Variants in SOX5 observed in about 807,000 individuals in gnomAD.
SOX5 encodes the protein SRY-box transcription factor 5.
SOX5 carries 9 observed loss-of-function variants against 92.0 expected under a neutral mutation model. The observed-to-expected ratio is 0.10, with a 90% CI of 0.06 to 0.17. The LOEUF (loss-of-function observed/expected upper bound fraction) is 0.17, where lower values mean the gene tolerates loss of function less well. SOX5 is among the 10% of genes least tolerant of loss of function. SOX5 has a pLI of 1.00. For synonymous variants in SOX5, 344 were observed against 336.3 expected (o/e 1.02, Z -0.25); for missense variants, 642 against 944.5 (o/e 0.68, Z 4.20).
intron 1 of SOX5, among the ~76,000 whole-genome samples, chr12:23,924,437 A>C (rs139514979): frequency 6.6e-6 from 1 of 152,246 alleles, no homozygotes; most frequent in African/African-American, 2.4e-5. Context: ...GCCTTATATA[A>C]TTTGACAAAT....
chr12:24,118,100 G>A (rs1438023549), intron 4 of SOX5, among the ~76,000 whole-genome samples: 4 of 151,860 alleles, frequency 2.6e-5, no homozygotes, highest in South Asian at 2.1e-4. Flanking sequence ...AGGCTGGGGG[G>A]TGGGAAGGGA....
chr12:24,026,269 G>A (rs1336205113), intron 4 of SOX5, among the ~76,000 whole-genome samples: 1 of 142,400 alleles, frequency 7.0e-6, no homozygotes, highest in Non-Finnish European at 1.5e-5. Flanking sequence ...TCTTAACATG[G>A]ATATTTCTCC....
intron 3 of SOX5, among the ~76,000 whole-genome samples, chr12:23,781,997 G>T (rs974386070): frequency 2.0e-5 from 3 of 151,956 alleles, no homozygotes; most frequent in Non-Finnish European, 4.4e-5. Flanking sequence ...GGTAAGACTG[G>T]ATATACACTT....
chr12:24,345,484 G>A (rs1175281627), intron 2 of SOX5, among the ~76,000 whole-genome samples: 1 of 152,122 alleles, frequency 6.6e-6, no homozygotes, highest in Non-Finnish European at 1.5e-5. Context: ...ATTGTTTCAT[G>A]TTTCAGATGG....
rs183523302 is a variant in SOX5, at chr12:24,398,964, T to C, written c.-250-30325A>G. On this transcript the variant is annotated intron_variant, in intron 1 of 4. Coordinates refer to the SOX5 transcript ENST00000446891. Reference sequence around the variant, plus strand: ...GCCAAGGTGGACAATTATCAACAGCTTCACTATACATGGAAGTGTTTACAA... The same window carrying C: ...GCCAAGGTGGACAATTATCAACAGCCTCACTATACATGGAAGTGTTTACAA... 1.6e-4 allele frequency among the ~76,000 whole-genome samples: 24 copies of C among 152,244 alleles called. No homozygotes were observed. The East Asian group carries it at 4.4e-3, about 28-fold the overall frequency.
At position 24,264,028 on chromosome 12, in the gene SOX5, A is replaced by C. The variant is rs193166203; in HGVS notation, c.-77+13188T>G. On this transcript the variant is annotated intron_variant, in intron 3 of 4. Coordinates refer to the SOX5 transcript ENST00000446891. Reference sequence around the variant, plus strand: ...GGATTATTTCTGCCTCATAGTCTTCAGGCTTGATTTTTAATGTAATTTAAA... The same window carrying C: ...GGATTATTTCTGCCTCATAGTCTTCCGGCTTGATTTTTAATGTAATTTAAA... 7.2e-5 allele frequency among the ~76,000 whole-genome samples: 11 copies of C among 152,306 alleles called. No individual in the cohort carries two copies. In the East Asian group the frequency reaches 1.4e-3, roughly 19 times the overall value.
At chr12:23,955,524 A>C (rs968471072), upstream of SOX5, among the ~76,000 whole-genome samples, 2 of 152,188 alleles carry the variant, frequency 1.3e-5, no homozygotes, top group African/African-American at 4.8e-5. Context: ...TTTGCAACGG[A>C]ATTTCTGTCT....
intron 9 of SOX5, among the ~76,000 whole-genome samples, chr12:23,577,150 T>TACACAC (rs1197912028): frequency 2.9e-4 from 34 of 117,580 alleles, no homozygotes; most frequent in African/African-American, 9.5e-4. Flanking sequence ...TATATATATA[T>TACACAC]ACACACACAC....
At chr12:23,537,463 T>G (rs975957831) in intron 13 of SOX5, among the ~76,000 whole-genome samples, 1 of 152,190 alleles carries the variant, frequency 6.6e-6, no homozygotes, top group Non-Finnish European at 1.5e-5. Flanking sequence ...GTATGCCCTT[T>G]CCTACATATG....
chr12:24,142,938 G>T (rs1950729054), intron 4 of SOX5, among the ~76,000 whole-genome samples: 1 of 151,632 alleles, frequency 6.6e-6, no homozygotes, highest in Admixed American at 6.6e-5. Flanking sequence ...GTCAGCACGT[G>T]TGCAAGGAAA....
chr12:23,685,310 A>G (rs2087330501), intron 6 of SOX5, among the ~76,000 whole-genome samples: 1 of 152,140 alleles, frequency 6.6e-6, no homozygotes, highest in Admixed American at 6.6e-5. Context: ...TCACGGTTAG[A>G]GAAATCCTAA....
chr12:23,784,267 T>C lies in SOX5; in HGVS notation c.482-28543A>G, dbSNP rs1335726438. Among the ~76,000 whole-genome samples the C allele has an allele frequency of 2.0e-5, 3 of 152,136 alleles. No homozygotes were observed. In the East Asian group the frequency reaches 5.8e-4, roughly 29 times the overall value. ...AAATGAGGAACTGGATAATAAAATC[T>C]TGAAAATGCCATCTAGACCTATGGA... On this transcript the variant is annotated intron_variant, in intron 3 of 14. Coordinates refer to ENST00000451604, the MANE Select transcript of SOX5 (RefSeq NM_006940.6).
At chr12:24,407,914 T>A (rs1255270937) in intron 1 of SOX5, among the ~76,000 whole-genome samples, 1 of 152,196 alleles carries the variant, frequency 6.6e-6, no homozygotes, top group Non-Finnish European at 1.5e-5. Context: ...AAGCGTCCAA[T>A]CTGTTTCTGA....
intron 8 of SOX5, among the ~76,000 whole-genome samples, chr12:23,615,771 G>A (rs1374985745): frequency 6.6e-6 from 1 of 152,036 alleles, no homozygotes; most frequent in Non-Finnish European, 1.5e-5. Flanking sequence ...CCCAATAATG[G>A]GATTGTATTT....
chr12:23,859,979 G>A (rs1046747814), intron 2 of SOX5, among the ~76,000 whole-genome samples: 1 of 152,080 alleles, frequency 6.6e-6, no homozygotes, highest in Non-Finnish European at 1.5e-5. Context: ...CAAAGAATGA[G>A]GTCATGTCTT....
intron 4 of SOX5, among the ~76,000 whole-genome samples, chr12:24,027,219 C>T (rs1954981681): frequency 6.6e-6 from 1 of 151,940 alleles, no homozygotes; most frequent in African/African-American, 2.4e-5. Context: ...CCTCATGACT[C>T]ACCCTAGGCC....
chr12:23,644,892 TCTTAA>T (rs2080625431), intron 7 of SOX5, among the ~76,000 whole-genome samples: 2 of 152,222 alleles, frequency 1.3e-5, no homozygotes, highest in African/African-American at 2.4e-5. Context: ...TCATTTGTAT[TCTTAA>T]CTTAGGATAC....
In SOX5 at chr12:23,531,412, A is replaced by C. The variant is rs1475355660; in HGVS notation, c.*2807T>G. On this transcript the variant is annotated 3_prime_UTR_variant, in exon 15 of 15. Transcript: ENST00000451604. ...TCAATTCATCGGTAAGTGTGTTAGA[A>C]TTGATTTCAGCCATGAATGCCTTCA... The C allele has an allele frequency of 2.0e-5, 3 of 152,376 alleles. No homozygotes were observed. Among genetic ancestry groups the C allele is most frequent in the African/African-American group, 7.2e-5 (3 of 41,594 alleles). 9.4% of individuals were successfully genotyped at this position (152,376 alleles called of 1,614,324 possible). A position where few individuals can be genotyped will look rare whatever the true frequency, so the allele number is the denominator to read the frequency against.
intron 1 of SOX5, among the ~76,000 whole-genome samples, chr12:24,436,838 G>A (rs1939524061): frequency 6.6e-6 from 1 of 152,178 alleles, no homozygotes; most frequent in Non-Finnish European, 1.5e-5. Context: ...TGCACCTGGT[G>A]ACTCTAAGTG....
Sources: gnomAD v4.1 joint callset for allele counts (sites outside exome capture counted in the v4.1 genomes callset) on GRCh38, gnomAD v4.1.1 for gene constraint, MANE v1.5 for transcripts, NCBI Gene and HGNC (gene_info 2026-07-23, HGNC 2026-07-21) for gene names.